Variants in SPINK14 observed in about 807,000 individuals in gnomAD.
SPINK14 encodes the protein serine protease inhibitor Kazal-type 14.
SPINK14 carries 6 observed loss-of-function variants against 14.2 expected under a neutral mutation model. That is an observed-to-expected ratio of 0.42 (90% CI 0.23 to 0.83). SPINK14 has a LOEUF of 0.83. Among genes scored for constraint, SPINK14 ranks in the 40% least tolerant of loss-of-function variants. The pLI is 0.28. For missense variants in SPINK14, 86 were observed against 108.3 expected (o/e 0.79, Z 0.91); for synonymous variants, 34 against 36.8 (o/e 0.92, Z 0.27).
Position 148,174,186 on chromosome 5 carries a change from T to C in SPINK14, c.112-48T>C. 3 of 1,042,696 alleles carry C rather than the reference T, an allele frequency of 2.9e-6. 1 individual carries two copies. Among genetic ancestry groups the C allele is most frequent in the Non-Finnish European group, 4.0e-6 (3 of 748,798 alleles). 64.6% of individuals were successfully genotyped at this position (1,042,696 alleles called of 1,614,324 possible). A position where few individuals can be genotyped will look rare whatever the true frequency, so the allele number is the denominator to read the frequency against. On this transcript the variant is annotated intron_variant, in intron 3 of 4. Transcript: ENST00000356972. Reference sequence around the variant, plus strand: ...TAATAAAGTTCAAAGGTGACCTACCTGTCTAAGTGGGATTCTAACTGGATA... The same window carrying C: ...TAATAAAGTTCAAAGGTGACCTACCCGTCTAAGTGGGATTCTAACTGGATA...
chr5:148,172,562 A>T (rs1755121720), intron 3 of SPINK14, among the ~76,000 whole-genome samples: 1 of 152,166 alleles, frequency 6.6e-6, no homozygotes, highest in African/African-American at 2.4e-5. Context: ...GCACATAATG[A>T]CTAGCCTAAT....
At chr5:148,169,055 G>A (rs935099056) in intron 1 of SPINK14, among the ~76,000 whole-genome samples, 3 of 152,186 alleles carry the variant, frequency 2.0e-5, no homozygotes, top group South Asian at 2.1e-4. Context: ...AGTCCATCCC[G>A]AGGGAGGATT....
At chr5:148,171,504 T>C (rs1024558719) in intron 3 of SPINK14, among the ~76,000 whole-genome samples, 1 of 152,122 alleles carries the variant, frequency 6.6e-6, no homozygotes, top group Admixed American at 6.6e-5. Flanking sequence ...ATCTTTTTCA[T>C]TTTCGTCTAC....
chr5:148,171,726 A>G (rs745741689), intron 3 of SPINK14, among the ~76,000 whole-genome samples: 60 of 152,066 alleles, frequency 3.9e-4, no homozygotes, highest in Non-Finnish European at 7.5e-4. Flanking sequence ...TTGACTGCTG[A>G]GAAAGATATT....
At position 148,169,760 on chromosome 5, in the gene SPINK14, C is replaced by T. The variant is rs1467186716; in HGVS notation, c.28C>T (p.Leu10Phe). 1.2e-6 allele frequency: 2 copies of T among 1,606,570 alleles called. No homozygotes were observed. The highest frequency in any genetic ancestry group is 2.7e-5 in the African/African-American group (2 of 74,276). MAKSFPVFS[L>F]LSFILIHLVL... is the part of the protein sequence containing the mutation. ...GGCCAAATCTTTCCCAGTATTCTCA[C>T]TTTTGTCCTTTATCTTGATACATTT... The change falls in exon 2 of 5, where the codon CTT (leucine) becomes TTT (phenylalanine). Residue 10 changes from leucine (L) to phenylalanine (F), a missense_variant. Leu to Phe is a conservative substitution (Grantham distance 22). Coordinates refer to ENST00000356972, the MANE Select transcript of SPINK14 (RefSeq NM_001001325.2).
chr5:148,174,122 G>T lies in SPINK14; in HGVS notation c.112-112G>T, dbSNP rs1561721699. 3 of 599,456 alleles carry T rather than the reference G, an allele frequency of 5.0e-6. 1 individual carries two copies. Among genetic ancestry groups the T allele is most frequent in the Non-Finnish European group, 7.9e-6 (3 of 379,024 alleles). The allele number at this position is 599,456 out of a possible 1,614,324, so 37.1% of individuals were successfully genotyped here. A position where few individuals can be genotyped will look rare whatever the true frequency, so the allele number is the denominator to read the frequency against. Reference sequence around the variant, plus strand: ...GCCTCCCAAAATGTTGGAATGACAGGCATGAGCCACCACGCCTAGACTATG... The same window carrying T: ...GCCTCCCAAAATGTTGGAATGACAGTCATGAGCCACCACGCCTAGACTATG... On this transcript the variant is annotated intron_variant, in intron 3 of 4. Coordinates refer to ENST00000356972, the MANE Select transcript of SPINK14 (RefSeq NM_001001325.2).
chr5:148,174,771 T>A (rs540853916), intron 4 of SPINK14, among the ~76,000 whole-genome samples: 48 of 152,284 alleles, frequency 3.2e-4, no homozygotes, highest in African/African-American at 1.1e-3. Context: ...ATGATGTAAT[T>A]GCAAAGTTTG....
chr5:148,171,196 C>T (rs903950607), intron 3 of SPINK14, among the ~76,000 whole-genome samples: 3 of 152,130 alleles, frequency 2.0e-5, no homozygotes, highest in African/African-American at 7.2e-5. Context: ...AGAGAACCCT[C>T]TTTAGTGCCT....
intron 3 of SPINK14, among the ~76,000 whole-genome samples, chr5:148,173,444 T>C (rs1029676105): frequency 2.6e-5 from 4 of 152,100 alleles, no homozygotes; most frequent in Admixed American, 2.6e-4. Context: ...TTAGTCTTAG[T>C]GATCTTGCAC....
At chr5:148,168,975 T>C (rs890987290) in intron 1 of SPINK14, among the ~76,000 whole-genome samples, 1 of 152,168 alleles carries the variant, frequency 6.6e-6, no homozygotes, top group Non-Finnish European at 1.5e-5. Context: ...AACAGTTAAA[T>C]GTGGTCCTTG....
chr5:148,172,478 C>T (rs918668475), intron 3 of SPINK14, among the ~76,000 whole-genome samples: 1 of 152,114 alleles, frequency 6.6e-6, no homozygotes, highest in Non-Finnish European at 1.5e-5. Context: ...CTTTCAGATT[C>T]AACTATTTTA....
At chr5:148,171,488 G>A (rs1044303208) in intron 3 of SPINK14, among the ~76,000 whole-genome samples, 1 of 152,088 alleles carries the variant, frequency 6.6e-6, no homozygotes, top group African/African-American at 2.4e-5. Flanking sequence ...AGGGCAAAAT[G>A]GAGACATCTT....
chr5:148,171,106 G>A, intron 3 of SPINK14, 133 bp downstream of exon 3: 2 of 794,260 alleles, frequency 2.5e-6, no homozygotes, highest in Non-Finnish European at 2.1e-6. Context: ...GTACGAGGGT[G>A]GTGGATACAC....
At chr5:148,171,174 C>CA (rs1475749655) in intron 3 of SPINK14, among the ~76,000 whole-genome samples, 4 of 152,142 alleles carry the variant, frequency 2.6e-5, no homozygotes, top group Non-Finnish European at 5.9e-5. Flanking sequence ...AACATTCACT[C>CA]ATACATACAC....
chr5:148,174,354 C>T lies in SPINK14; in HGVS notation c.232C>T (p.Leu78=). The T allele has an allele frequency of 9.0e-7, 1 of 1,113,790 alleles. No homozygotes were observed. The highest frequency in any genetic ancestry group is 1.2e-6 in the Non-Finnish European group (1 of 810,910). The allele number at this position is 1,113,790 out of a possible 1,614,324, so 69.0% of individuals were successfully genotyped here. ...TATAACCTATGATAATCCCTGCATT[C>T]TGTGTGTTGAGAGCTTGTGAGTACT... ...NFITYDNPCI[L]CVESLKSHGR... is the part of the protein sequence containing the mutation. Residue 78 remains leucine, a synonymous_variant, in exon 4 of 5, where the codon CTG becomes TTG. Coordinates refer to ENST00000356972, the MANE Select transcript of SPINK14 (RefSeq NM_001001325.2).
rs1041549138 is a variant in SPINK14, at chr5:148,169,757, T to C, written c.25T>C (p.Ser9Pro). 4 of 1,606,590 alleles carry C rather than the reference T, an allele frequency of 2.5e-6. No individual in the cohort carries two copies. Among genetic ancestry groups the C allele is most frequent in the Non-Finnish European group, 3.4e-6 (4 of 1,176,432 alleles). The change falls in exon 2 of 5, where the codon TCA (serine) becomes CCA (proline). Residue 9 changes from serine (S) to proline (P), a missense_variant. Ser to Pro is a moderately conservative substitution (Grantham distance 74). Transcript: ENST00000356972. ...AATGGCCAAATCTTTCCCAGTATTC[T>C]CACTTTTGTCCTTTATCTTGATACA... Reference protein sequence around the residue: MAKSFPVFSLLSFILIHLV... With the variant: MAKSFPVFPLLSFILIHLV...
chr5:148,168,970 T>C (rs190553651), intron 1 of SPINK14, among the ~76,000 whole-genome samples: 81 of 152,110 alleles, frequency 5.3e-4, no homozygotes, highest in Admixed American at 2.2e-3. Context: ...GGAGGAACAG[T>C]TAAATGTGGT....
intron 2 of SPINK14, among the ~76,000 whole-genome samples, chr5:148,170,171 T>TACACACACACACAC (rs374908374): frequency 2.9e-5 from 4 of 138,236 alleles, no homozygotes; most frequent in African/African-American, 1.1e-4. Flanking sequence ...TATATATATA[T>TACACACACACACAC]ATACACACAC....
intron 2 of SPINK14, 113 bp from the exon 3 acceptor site, chr5:148,170,799 ATAAATGAAATAATGTTTT>A (rs1476800177): frequency 1.3e-6 from 1 of 767,822 alleles, no homozygotes; most frequent in African/African-American, 1.8e-5. Context: ...GAATACATGT[ATAAATGAAATAATGTTTT>A]CCATTGCTGA....
Sources: gnomAD v4.1 joint callset for allele counts (sites outside exome capture counted in the v4.1 genomes callset) on GRCh38, gnomAD v4.1.1 for gene constraint, MANE v1.5 for transcripts, NCBI Gene and HGNC (gene_info 2026-07-23, HGNC 2026-07-21) for gene names.